Variants in ARID1A observed in about 807,000 individuals in gnomAD.
The protein encoded by ARID1A is AT-rich interaction domain 1A, also known as AT-rich interactive domain-containing protein 1A.
In ARID1A, 20 loss-of-function variants were observed where a neutral mutation model predicts 212.6. That is an observed-to-expected ratio of 0.09 (90% confidence interval 0.07 to 0.14). The LOEUF is 0.14. Among genes scored for constraint, ARID1A ranks in the 10% least tolerant of loss-of-function variants. The pLI, the probability that ARID1A is intolerant of heterozygous loss-of-function variation, is 1.00. For missense variants in ARID1A, 2,587 were observed against 3,059.0 expected (o/e 0.85, Z 3.64); for synonymous variants, 1,376 against 1,222.1 (o/e 1.13, Z -2.63).
At chr1:26,749,168 A>AAAT (rs367683968) in intron 4 of ARID1A, among the ~76,000 whole-genome samples, 8,994 of 151,964 alleles carry the variant, frequency 0.059, 322 homozygotes, top group Non-Finnish European at 0.08. Context: ...CCGTCTCAAA[A>AAAT]AATAATAATA....
chr1:26,739,471 G>A (rs1317068712), intron 4 of ARID1A, among the ~76,000 whole-genome samples: 1 of 152,156 alleles, frequency 6.6e-6, no homozygotes, highest in Non-Finnish European at 1.5e-5. Flanking sequence ...ACCACAATTG[G>A]AATGAGACTG....
rs2124739470 is a variant in ARID1A, at chr1:26,696,360, C to G, written c.-44C>G. 1 of 1,217,688 alleles carries G rather than the reference C, an allele frequency of 8.2e-7. No homozygotes were observed. The highest frequency in any genetic ancestry group is 1.0e-6 in the Non-Finnish European group (1 of 978,162). 75.4% of individuals were successfully genotyped at this position (1,217,688 alleles called of 1,614,324 possible). On this transcript the variant is annotated 5_prime_UTR_variant, in exon 1 of 20. Coordinates refer to ENST00000324856, the MANE Select transcript of ARID1A (RefSeq NM_006015.6). ...GGCGGGGTGGGAGGGGGGGAGAAGA[C>G]GAAGACAGGGCCGGGTCTCTCCGCG...
intron 4 of ARID1A, among the ~76,000 whole-genome samples, chr1:26,757,777 CCCTGCCTCAG>C (rs1258328591): frequency 1.3e-5 from 2 of 151,908 alleles, no homozygotes; most frequent in Admixed American, 1.3e-4. Context: ...AAGGAATTCT[CCCTGCCTCAG>C]CCTCCTGAGT....
rs138471333 is a variant in ARID1A at position 26,777,746 on chromosome 1, A to G, written c.5125-1277A>G. Among the ~76,000 whole-genome samples the G allele has an allele frequency of 5.7e-3, 862 of 152,116 alleles. 18 individuals carry two copies. Among genetic ancestry groups the G allele is most frequent in the Admixed American group, 0.031 (479 of 15,282 alleles). ...TCAGGAGTTTGAGGCCAGCTGGCCA[A>G]CATGGTGAAACTCCATCTCTACTAA... On this transcript the variant is annotated intron_variant, in intron 19 of 19. Coordinates refer to ENST00000324856, the MANE Select transcript of ARID1A (RefSeq NM_006015.6).
intron 19 of ARID1A, 89 bp downstream of exon 19, chr1:26,775,796 C>G (rs763506591): frequency 6.4e-7 from 1 of 1,569,248 alleles, no homozygotes; most frequent in African/African-American, 1.4e-5. Flanking sequence ...CCACCTTGGT[C>G]TTTCTCTTTC....
intron 12 of ARID1A, 145 bp from the exon 13 acceptor site, chr1:26,772,355 T>TA: frequency 8.2e-7 from 1 of 1,215,748 alleles, no homozygotes; most frequent in African/African-American, 1.5e-5. Context: ...CCTGGCCTTG[T>TA]AGATCCTCTG....
intron 1 of ARID1A, among the ~76,000 whole-genome samples, chr1:26,724,439 G>A (rs1466918923): frequency 6.6e-6 from 1 of 152,126 alleles, no homozygotes; most frequent in Non-Finnish European, 1.5e-5. Flanking sequence ...ATAAAATTAT[G>A]AAGTTTCTCT....
At chr1:26,718,900 ATAAC>A (rs1417666523) in intron 1 of ARID1A, among the ~76,000 whole-genome samples, 5 of 152,254 alleles carry the variant, frequency 3.3e-5, no homozygotes, top group Non-Finnish European at 4.4e-5. Context: ...GAGATTAACA[ATAAC>A]TAATGATAAA....
At chr1:26,756,948 C>T (rs1048303948) in intron 4 of ARID1A, among the ~76,000 whole-genome samples, 7 of 152,034 alleles carry the variant, frequency 4.6e-5, no homozygotes, top group Admixed American at 1.3e-4. Context: ...GTGATCCGCC[C>T]GCCTCAGCCT....
At position 26,697,209 on chromosome 1, in the gene ARID1A, A is replaced by C. The variant is rs941460622; in HGVS notation, c.806A>C (p.Gln269Pro). The change falls in exon 1 of 20, where the codon CAG (glutamine) becomes CCG (proline). Residue 269 changes from glutamine to proline, a missense_variant. Coordinates refer to ENST00000324856, the MANE Select transcript of ARID1A (RefSeq NM_006015.6). ...ASSSSSSFAQQRFGAMGGGGP... is the reference protein window; with the variant it reads ...ASSSSSSFAQPRFGAMGGGGP... ...TCGTCGTCTTCGTCCTTCGCTCAGCAGCGCTTCGGGGCCATGGGGGGAGGC... is the reference window on the plus strand; with the variant it reads ...TCGTCGTCTTCGTCCTTCGCTCAGCCGCGCTTCGGGGCCATGGGGGGAGGC... 5 of 1,405,084 alleles carry C rather than the reference A, an allele frequency of 3.6e-6. No homozygotes were observed. In the African/African-American group the frequency reaches 6.1e-5, roughly 17 times the overall value. The allele number at this position is 1,405,084 out of a possible 1,614,324, so 87.0% of individuals were successfully genotyped here. A position where few individuals can be genotyped will look rare whatever the true frequency, so the allele number is the denominator to read the frequency against.
In ARID1A at chr1:26,696,869, C is replaced by A. The variant is rs748741391; in HGVS notation, c.466C>A (p.Arg156=). 5 of 1,359,854 alleles carry A rather than the reference C, an allele frequency of 3.7e-6. No individual in the cohort carries two copies. The Admixed American group carries it at 1.6e-4, about 44-fold the overall frequency. The allele number at this position is 1,359,854 out of a possible 1,614,324, so 84.2% of individuals were successfully genotyped here. Residue 156 remains arginine, a synonymous_variant, in exon 1 of 20, where the codon CGG becomes AGG. Coordinates refer to ENST00000324856, the MANE Select transcript of ARID1A (RefSeq NM_006015.6). ...CTACGGCTTCGGGCAACCCTACGGC[C>A]GGAGCCCGTCTGCCGTCGCCGCCGC... ...PAYGFGQPYG[R]SPSAVAAAAA...
At chr1:26,721,494 G>A (rs1051462324) in intron 1 of ARID1A, among the ~76,000 whole-genome samples, 2 of 152,164 alleles carry the variant, frequency 1.3e-5, no homozygotes, top group South Asian at 2.1e-4. Flanking sequence ...GAGCCACCGC[G>A]CCTGGCAACC....
At chr1:26,756,431 C>G (rs1164237231) in intron 4 of ARID1A, among the ~76,000 whole-genome samples, 2 of 151,970 alleles carry the variant, frequency 1.3e-5, no homozygotes, top group Non-Finnish European at 2.9e-5. Context: ...TGGTGCACGC[C>G]TGTAATCCCA....
At chr1:26,755,750 T>G (rs1011451081) in intron 4 of ARID1A, among the ~76,000 whole-genome samples, 10 of 144,628 alleles carry the variant, frequency 6.9e-5, no homozygotes, top group African/African-American at 1.3e-4. Context: ...GGTTTTTTGG[T>G]TTTTTTTTTT....
In ARID1A at chr1:26,780,995, C is replaced by T. The variant is rs948598431; in HGVS notation, c.*239C>T. On this transcript the variant is annotated 3_prime_UTR_variant, in exon 20 of 20. Transcript: ENST00000324856. This position sits in a 1 kb window ranked among gnomAD's most constrained non-coding sequence, Gnocchi z 7.2. ...CCTTACTCCCCTCAGGACCCTACCC[C>T]ACCCTCTTTGAAAAGACAAAGCTCT... is the stretch of plus-strand genomic sequence containing the variant. 4.5e-6 allele frequency: 2 copies of T among 442,898 alleles called. No homozygotes were observed. Among genetic ancestry groups the T allele is most frequent in the African/African-American group, 2.0e-5 (1 of 50,316 alleles). The allele number at this position is 442,898 out of a possible 1,614,324, so 27.4% of individuals were successfully genotyped here.
At chr1:26,756,533 G>A (rs1412504485) in intron 4 of ARID1A, among the ~76,000 whole-genome samples, 1 of 150,072 alleles carries the variant, frequency 6.7e-6, no homozygotes, top group Admixed American at 6.6e-5. Context: ...TCCAGCCTGG[G>A]TGACAGACCC....
intron 17 of ARID1A, 54 bp downstream of exon 17, chr1:26,773,952 T>TTAG: frequency 6.4e-7 from 1 of 1,567,840 alleles, no homozygotes; most frequent in South Asian, 1.1e-5. Flanking sequence ...TGAAAACTAG[T>TTAG]TAGTAAACTA....
Position 26,761,074 on chromosome 1 carries a change from A to G in ARID1A, c.2139A>G (p.Pro713=), listed in dbSNP as rs779283100. 129 of 1,613,504 alleles carry G rather than the reference A, an allele frequency of 8.0e-5. No individual in the cohort carries two copies. In the Admixed American group the frequency reaches 1.1e-3, roughly 14 times the overall value. The change falls in exon 5 of 20, where the codon CCA becomes CCG. Residue 713 remains proline, a synonymous_variant. Coordinates refer to ENST00000324856, the MANE Select transcript of ARID1A (RefSeq NM_006015.6). ...GTGTTGCTCAGTCTCGCTCAGGACC[A>G]CTCTCGCCTGCTGCAGTGCCAGGTA... The part of the protein sequence containing the change: ...PASVAQSRSG[P]LSPAAVPGNQ...
At chr1:26,714,881 C>G (rs1206299244) in intron 1 of ARID1A, among the ~76,000 whole-genome samples, 1 of 152,172 alleles carries the variant, frequency 6.6e-6, no homozygotes, top group Non-Finnish European at 1.5e-5. Flanking sequence ...GGCATTGCTG[C>G]TGCTTCTTGG....
Sources: allele counts gnomAD v4.1 joint callset (sites outside exome capture counted in the v4.1 genomes callset), GRCh38; gene constraint gnomAD v4.1.1; non-coding constraint Gnocchi (gnomAD v3.1); transcripts MANE v1.5; gene names NCBI Gene and HGNC (gene_info 2026-07-23, HGNC 2026-07-21).